The following DOCK2 variants were observed in gnomAD, a reference collection of about 807,000 sequenced individuals.
The protein encoded by DOCK2 is dedicator of cytokinesis protein 2.
Under a neutral mutation model 248.9 loss-of-function variants are expected in DOCK2, and 87 were observed. The ratio of observed to expected loss-of-function variants is 0.35; its 90% CI spans 0.29 to 0.42. The LOEUF (loss-of-function observed/expected upper bound fraction) is 0.42, where lower values mean the gene tolerates loss of function less well. DOCK2 is among the 10% of genes least tolerant of loss of function. The probability of loss-of-function intolerance (pLI) is 1.00; values close to 1 mark genes in which losing one functional copy is unlikely to be tolerated. For synonymous variants in DOCK2, 805 were observed against 821.6 expected (o/e 0.98, Z 0.35); for missense variants, 1,747 against 2,300.2 (o/e 0.76, Z 4.92).
intron 27 of DOCK2, among the ~76,000 whole-genome samples, chr5:169,843,325 T>C (rs1770100594): frequency 6.6e-6 from 1 of 152,024 alleles, no homozygotes; most frequent in Non-Finnish European, 1.5e-5. Flanking sequence ...AAAAGCAGTT[T>C]TTCCTGGCTA....
At chr5:169,700,943 G>GAGAA (rs34443091) in intron 13 of DOCK2, among the ~76,000 whole-genome samples, 87,853 of 150,210 alleles carry the variant, frequency 0.58, 26,722 homozygotes, top group East Asian at 0.8. Flanking sequence ...AAAAGAAGGA[G>GAGAA]AGAAAGAAAG....
intron 27 of DOCK2, among the ~76,000 whole-genome samples, chr5:169,881,846 A>G (rs1772673742): frequency 2.0e-5 from 3 of 152,298 alleles, no homozygotes; most frequent in Admixed American, 2.0e-4. Context: ...TCTCTCTCCT[A>G]CTGTTTTTGA....
intron 9 of DOCK2, among the ~76,000 whole-genome samples, chr5:169,693,923 C>T (rs1489264617): frequency 1.3e-5 from 2 of 152,180 alleles, no homozygotes; most frequent in African/African-American, 2.4e-5. Flanking sequence ...CATTATAGAA[C>T]GTCATCTCCT....
At chr5:169,643,535 G>T (rs989121971) in intron 1 of DOCK2, among the ~76,000 whole-genome samples, 2 of 152,168 alleles carry the variant, frequency 1.3e-5, no homozygotes, top group African/African-American at 4.8e-5. Flanking sequence ...GTCACAATAG[G>T]GTTCCTGCTC....
chr5:169,745,574 A>T (rs1055094518), intron 22 of DOCK2, among the ~76,000 whole-genome samples: 4 of 152,194 alleles, frequency 2.6e-5, no homozygotes, highest in African/African-American at 9.7e-5. Context: ...TCAGGAGCTG[A>T]TGGCCAGTTT....
At chr5:169,717,551 A>G in intron 21 of DOCK2, 67 bp downstream of exon 21, 1 of 1,441,532 alleles carries the variant, frequency 6.9e-7, no homozygotes, top group Non-Finnish European at 9.8e-7. Context: ...TGCCTAGGGC[A>G]CAGGAACTTG....
rs969347264 is a variant in DOCK2, at chr5:170,044,993, C to T, written c.3877-823C>T. Among the ~76,000 whole-genome samples, 11 of 152,086 alleles carry T rather than the reference C, an allele frequency of 7.2e-5. 1 individual carries two copies. The South Asian group carries it at 1.0e-3, about 14-fold the overall frequency. On this transcript the variant is annotated intron_variant, in intron 38 of 51. Coordinates refer to ENST00000520908, the MANE Select transcript of DOCK2 (RefSeq NM_004946.3). ...GAGAGTGAGGTGATCTATTGACTCT[C>T]GTCTAAGACAGAGGAGAGAAGAATT...
At chr5:169,660,274 C>T (rs1207459545) in intron 2 of DOCK2, among the ~76,000 whole-genome samples, 1 of 152,226 alleles carries the variant, frequency 6.6e-6, no homozygotes, top group East Asian at 1.9e-4. Context: ...TTCGAGGCTG[C>T]AGTGAGGCAT....
chr5:170,056,910 G>C (rs1390806439), intron 43 of DOCK2, 142 bp downstream of exon 43: 2 of 706,622 alleles, frequency 2.8e-6, no homozygotes, highest in Non-Finnish European at 4.8e-6. Context: ...CATGACGTCC[G>C]TTCCCCAATC....
chr5:170,056,597 T>C (rs1037485288), intron 42 of DOCK2, 87 bp from the exon 43 acceptor site: 4 of 1,111,276 alleles, frequency 3.6e-6, no homozygotes, highest in African/African-American at 1.6e-5. Context: ...TTTACTGTAA[T>C]GAACCTCCCT....
intron 27 of DOCK2, among the ~76,000 whole-genome samples, chr5:169,902,169 C>T (rs1171904597): frequency 1.4e-4 from 22 of 152,168 alleles, no homozygotes; most frequent in Admixed American, 1.4e-3. Context: ...CAAGGAAAGT[C>T]CAGGAGGGGA....
At chr5:169,981,817 A>T (rs1777945346) in intron 27 of DOCK2, among the ~76,000 whole-genome samples, 1 of 152,216 alleles carries the variant, frequency 6.6e-6, no homozygotes, top group Non-Finnish European at 1.5e-5. Context: ...ATTAAAATTT[A>T]TATTTTTTTA....
rs199575890 is a variant in DOCK2 at position 169,840,723 on chromosome 5, G to T, written c.2704-34G>T. 7 of 1,601,946 alleles carry T rather than the reference G, an allele frequency of 4.4e-6. No individual in the cohort carries two copies. In the Admixed American group the frequency reaches 5.0e-5, roughly 11 times the overall value. On this transcript the variant is annotated intron_variant, in intron 26 of 51. Coordinates refer to ENST00000520908, the MANE Select transcript of DOCK2 (RefSeq NM_004946.3). The stretch of plus-strand genomic sequence containing the variant: ...TACAATTGTTCAGATGCAGTGTCCT[G>T]GTTGTCACATAGATGTCTCTGACTG...
chr5:169,996,822 G>T (rs1754653536), intron 30 of DOCK2, among the ~76,000 whole-genome samples: 2 of 152,208 alleles, frequency 1.3e-5, no homozygotes, highest in African/African-American at 4.8e-5. Context: ...TGGGGGCTTA[G>T]GGGGTAGTAG....
At chr5:169,902,115 G>C (rs1265052386) in intron 27 of DOCK2, among the ~76,000 whole-genome samples, 2 of 152,176 alleles carry the variant, frequency 1.3e-5, no homozygotes, top group Admixed American at 6.5e-5. Flanking sequence ...GATCTGTAGG[G>C]TTAATGCCAT....
At chr5:170,064,143 T>A (rs1395523418) in intron 44 of DOCK2, among the ~76,000 whole-genome samples, 1 of 152,052 alleles carries the variant, frequency 6.6e-6, no homozygotes, top group Non-Finnish European at 1.5e-5. Context: ...CTTGGTCAGA[T>A]CCTTCTTCTA....
intron 27 of DOCK2, among the ~76,000 whole-genome samples, chr5:169,851,538 C>T (rs1770617383): frequency 6.6e-6 from 1 of 152,206 alleles, no homozygotes; most frequent in Non-Finnish European, 1.5e-5. Flanking sequence ...GATGATGTCA[C>T]TGCTGCCATT....
chr5:169,644,731 G>A (rs751073716), intron 1 of DOCK2, among the ~76,000 whole-genome samples: 15 of 151,352 alleles, frequency 9.9e-5, no homozygotes, highest in African/African-American at 3.4e-4. Context: ...CTATCTTCCC[G>A]TCATCTAGGT....
At chr5:170,022,995 T>A (rs1755781994) in intron 33 of DOCK2, among the ~76,000 whole-genome samples, 1 of 152,194 alleles carries the variant, frequency 6.6e-6, no homozygotes, top group Non-Finnish European at 1.5e-5. Context: ...AGTAATCCCC[T>A]TGCCCCGAGT....
Sources: allele counts gnomAD v4.1 joint callset (sites outside exome capture counted in the v4.1 genomes callset), GRCh38; gene constraint gnomAD v4.1.1; transcripts MANE v1.5; gene names NCBI Gene and HGNC (gene_info 2026-07-23, HGNC 2026-07-21).